Variants in ROBO1 observed in about 807,000 individuals in gnomAD.
ROBO1 encodes roundabout guidance receptor 1.
Under a neutral mutation model 195.9 loss-of-function variants are expected in ROBO1, and 149 were observed. That is an observed-to-expected ratio of 0.76 (90% CI 0.67 to 0.87). ROBO1 has a LOEUF of 0.87. Among genes scored for constraint, ROBO1 ranks in the 40% least tolerant of loss-of-function variants. The probability of loss-of-function intolerance (pLI) is 0.00; values close to 1 mark genes in which losing one functional copy is unlikely to be tolerated. For synonymous variants in ROBO1, 816 were observed against 733.2 expected, an observed-to-expected ratio of 1.11 and a Z score of -1.82; for missense variants, 1,933 against 2,068.3, an observed-to-expected ratio of 0.93 and a Z score of 1.27.
At chr3:78,651,205 A>T (rs1306019834) in intron 19 of ROBO1, among the ~76,000 whole-genome samples, 1 of 152,178 alleles carries the variant, frequency 6.6e-6, no homozygotes, top group Non-Finnish European at 1.5e-5. Flanking sequence ...TTATAATAAT[A>T]AAAAGGGACT....
chr3:79,622,025 A>G (rs1184176516), intron 1 of ROBO1, among the ~76,000 whole-genome samples: 1 of 152,188 alleles, frequency 6.6e-6, no homozygotes, highest in East Asian at 1.9e-4. Flanking sequence ...TTCTCTCATC[A>G]GAACTGACTA....
intron 2 of ROBO1, among the ~76,000 whole-genome samples, chr3:79,380,828 G>A (rs1265162290): frequency 6.6e-6 from 1 of 152,026 alleles, no homozygotes; most frequent in African/African-American, 2.4e-5. Context: ...CTGAGTCAAA[G>A]CCTTAAGAAG....
intron 1 of ROBO1, among the ~76,000 whole-genome samples, chr3:79,621,857 G>T (rs1180499640): frequency 1.3e-5 from 2 of 152,168 alleles, no homozygotes; most frequent in Non-Finnish European, 2.9e-5. Flanking sequence ...GCGCAGTTGA[G>T]ACTACAAGGC....
chr3:79,284,505 AAAG>A (rs1238921202), intron 2 of ROBO1, among the ~76,000 whole-genome samples: 32 of 152,300 alleles, frequency 2.1e-4, no homozygotes, highest in African/African-American at 7.5e-4. Flanking sequence ...AACAAACAAA[AAAG>A]AAACTATTCT....
At chr3:79,320,724 G>A (rs949810381) in intron 2 of ROBO1, among the ~76,000 whole-genome samples, 1 of 152,106 alleles carries the variant, frequency 6.6e-6, no homozygotes, top group African/African-American at 2.4e-5. Flanking sequence ...TTAAACAGAA[G>A]GCTCTACTTT....
intron 2 of ROBO1, among the ~76,000 whole-genome samples, chr3:79,328,161 C>A (rs1172926907): frequency 6.6e-6 from 1 of 152,166 alleles, no homozygotes; most frequent in East Asian, 1.9e-4. Flanking sequence ...AGTTACATTA[C>A]AAATATCATT....
At position 78,910,433 on chromosome 3, in the gene ROBO1, C is replaced by T. The variant is rs928145090; in HGVS notation, c.499+28168G>A. Among the ~76,000 whole-genome samples the T allele has an allele frequency of 3.3e-5, 5 of 151,812 alleles. No homozygotes were observed. In the East Asian group the frequency reaches 5.8e-4, roughly 18 times the overall value. On this transcript the variant is annotated intron_variant, in intron 4 of 30. Transcript: ENST00000464233. ...GCAAATTTGTGGAAACAGGAGAAAA[C>T]GTGGGAATGTTTTACTGTTTCTAAT...
chr3:78,753,158 G>A (rs145021684), intron 4 of ROBO1, among the ~76,000 whole-genome samples: 143 of 152,150 alleles, frequency 9.4e-4, no homozygotes, highest in African/African-American at 3.4e-3. Context: ...AGAATTACCA[G>A]AATAAAAACA....
At chr3:79,104,745 C>T (rs553280605) in intron 3 of ROBO1, among the ~76,000 whole-genome samples, 1 of 151,702 alleles carries the variant, frequency 6.6e-6, no homozygotes, top group Non-Finnish European at 1.5e-5. Context: ...AGTCCATGCT[C>T]CTTGATAGCA....
At chr3:78,643,848 A>G (rs549143330) in intron 21 of ROBO1, among the ~76,000 whole-genome samples, 1 of 152,274 alleles carries the variant, frequency 6.6e-6, no homozygotes, top group South Asian at 2.1e-4. Flanking sequence ...TAGATTAGGC[A>G]AAGGAGAAGT....
chr3:79,099,537 G>A (rs1046567215), intron 3 of ROBO1, among the ~76,000 whole-genome samples: 2 of 151,632 alleles, frequency 1.3e-5, no homozygotes, highest in Non-Finnish European at 1.5e-5. Context: ...ATGGAAGTTT[G>A]AAAATGTGTG....
intron 3 of ROBO1, among the ~76,000 whole-genome samples, chr3:79,123,462 T>G (rs2108567303): frequency 6.6e-6 from 1 of 152,168 alleles, no homozygotes; most frequent in East Asian, 1.9e-4. Flanking sequence ...TCAACATTAT[T>G]TTTTCTACTT....
intron 7 of ROBO1, 123 bp from the exon 8 acceptor site, chr3:78,714,647 A>AT: frequency 1.1e-6 from 1 of 873,026 alleles, no homozygotes; most frequent in Non-Finnish European, 1.6e-6. Flanking sequence ...ACAAAGAGTA[A>AT]AACATGGTAT....
At chr3:78,932,757 G>A (rs1045634149) in intron 4 of ROBO1, among the ~76,000 whole-genome samples, 7 of 152,020 alleles carry the variant, frequency 4.6e-5, no homozygotes, top group African/African-American at 1.7e-4. Flanking sequence ...AAGACTAGAC[G>A]GATACACACC....
At chr3:78,892,062 T>C (rs1378818839) in intron 4 of ROBO1, among the ~76,000 whole-genome samples, 1 of 152,196 alleles carries the variant, frequency 6.6e-6, no homozygotes, top group Non-Finnish European at 1.5e-5. Flanking sequence ...CCATTGTATG[T>C]AAATTTTACC....
chr3:79,738,533 T>C (rs963121734), intron 1 of ROBO1, among the ~76,000 whole-genome samples: 10 of 151,004 alleles, frequency 6.6e-5, no homozygotes, highest in African/African-American at 2.5e-4. Flanking sequence ...TTGACACTCA[T>C]AGAAAAAAGT....
At chr3:78,884,876 G>GTGTGTGTGTA in intron 4 of ROBO1, among the ~76,000 whole-genome samples, 1 of 151,782 alleles carries the variant, frequency 6.6e-6, no homozygotes, top group East Asian at 1.9e-4. Flanking sequence ...CTGTGTGTGT[G>GTGTGTGTGTA]TGTGTGTGTG....
chr3:78,687,908 A>G (rs1198405180), intron 9 of ROBO1, among the ~76,000 whole-genome samples: 1 of 152,182 alleles, frequency 6.6e-6, no homozygotes, highest in Non-Finnish European at 1.5e-5. Flanking sequence ...TGAGATTACA[A>G]GCATGAGTCA....
chr3:79,247,486 A>T (rs1049749096), intron 2 of ROBO1, among the ~76,000 whole-genome samples: 1 of 151,868 alleles, frequency 6.6e-6, no homozygotes, highest in Non-Finnish European at 1.5e-5. Flanking sequence ...GTATCTAGAG[A>T]GTTCATTTAC....
Sources: gnomAD v4.1 joint callset for allele counts (sites outside exome capture counted in the v4.1 genomes callset) on GRCh38, gnomAD v4.1.1 for gene constraint, MANE v1.5 for transcripts, NCBI Gene and HGNC (gene_info 2026-07-23, HGNC 2026-07-21) for gene names.